Variants in ENAH observed in about 807,000 individuals in gnomAD.
ENAH encodes ENAH actin regulator.
In ENAH, 23 loss-of-function variants were observed where a neutral mutation model predicts 78.7. The ratio of observed to expected loss-of-function variants is 0.29; its 90% CI spans 0.21 to 0.41. The LOEUF (loss-of-function observed/expected upper bound fraction) is 0.41, where lower values mean the gene tolerates loss of function less well. Ranked by LOEUF, ENAH falls within the 10% of genes least tolerant of loss-of-function variation. The pLI, the probability that ENAH is intolerant of heterozygous loss-of-function variation, is 1.00. For synonymous variants in ENAH, 226 were observed against 241.0 expected, an observed-to-expected ratio of 0.94 and a Z score of 0.58; for missense variants, 544 against 691.0, an observed-to-expected ratio of 0.79 and a Z score of 2.39.
intron 2 of ENAH, among the ~76,000 whole-genome samples, chr1:225,560,199 C>G (rs1239910768): frequency 2.0e-5 from 3 of 151,490 alleles, no homozygotes; most frequent in Non-Finnish European, 4.4e-5. Flanking sequence ...GAGACAAGGG[C>G]TTCCTGTGCC....
intron 1 of ENAH, among the ~76,000 whole-genome samples, chr1:225,584,183 A>G (rs541794575): frequency 1.3e-5 from 2 of 152,220 alleles, no homozygotes; most frequent in Admixed American, 6.5e-5. Flanking sequence ...CAGGATAAAT[A>G]TAAATTGGAC....
At chr1:225,640,203 A>T (rs1430465803) in intron 1 of ENAH, among the ~76,000 whole-genome samples, 1 of 152,256 alleles carries the variant, frequency 6.6e-6, no homozygotes, top group Non-Finnish European at 1.5e-5. Context: ...ATTTTCTCAG[A>T]AAAATTATGT....
intron 1 of ENAH, among the ~76,000 whole-genome samples, chr1:225,625,238 G>A (rs949022437): frequency 6.6e-6 from 1 of 152,170 alleles, no homozygotes. Flanking sequence ...AATATGAAAT[G>A]CAGATAAAGT....
chr1:225,653,224 G>C (rs2148546476), upstream of ENAH: 1 of 150,952 alleles, frequency 6.6e-6, no homozygotes, highest in African/African-American at 2.4e-5. This position sits in a 1 kb window ranked among gnomAD's most constrained non-coding sequence, Gnocchi z 4.3. Flanking sequence ...AGGGGGCGGT[G>C]CGGGGGGAGG....
At chr1:225,615,061 CCTCTCT>C (rs928534773) in intron 1 of ENAH, among the ~76,000 whole-genome samples, 5 of 138,316 alleles carry the variant, frequency 3.6e-5, no homozygotes, top group African/African-American at 1.1e-4. Context: ...TCTCCCTCTC[CCTCTCT>C]CTCCACGGTC....
chr1:225,615,402 C>T (rs1266979883), intron 1 of ENAH, among the ~76,000 whole-genome samples: 11 of 152,176 alleles, frequency 7.2e-5, no homozygotes, highest in Non-Finnish European at 1.5e-4. Context: ...ACAACCTCCA[C>T]CTCCCAGCCG....
At chr1:225,639,157 C>CA (rs2148427895) in intron 1 of ENAH, among the ~76,000 whole-genome samples, 1 of 152,114 alleles carries the variant, frequency 6.6e-6, no homozygotes, top group East Asian at 1.9e-4. Context: ...AAACTCTTTA[C>CA]AAAGCAACTG....
chr1:225,517,341 T>C (rs568787101), intron 5 of ENAH, 35 bp from the exon 6 acceptor site: 1 of 1,551,396 alleles, frequency 6.4e-7, no homozygotes, highest in African/African-American at 1.4e-5. Context: ...TAGGCTTGGA[T>C]GAGGGAGTTG....
intron 1 of ENAH, among the ~76,000 whole-genome samples, chr1:225,606,816 C>T (rs1480745479): frequency 1.5e-5 from 2 of 133,590 alleles, no homozygotes; most frequent in African/African-American, 5.7e-5. Flanking sequence ...ACACTCCATC[C>T]TGGACGACAG....
chr1:225,558,184 C>T (rs991183434), intron 2 of ENAH, among the ~76,000 whole-genome samples: 1 of 152,064 alleles, frequency 6.6e-6, no homozygotes, highest in Non-Finnish European at 1.5e-5. Flanking sequence ...CTATTGTATT[C>T]ATACCAGGTT....
At chr1:225,564,499 TAGTC>T (rs967545592) in intron 2 of ENAH, among the ~76,000 whole-genome samples, 34 of 151,544 alleles carry the variant, frequency 2.2e-4, no homozygotes, top group East Asian at 7.8e-4. Flanking sequence ...TTCACCATGT[TAGTC>T]AGGCTGGTTG....
chr1:225,511,243 T>C (rs1575343071), intron 10 of ENAH, among the ~76,000 whole-genome samples: 1 of 152,204 alleles, frequency 6.6e-6, no homozygotes, highest in South Asian at 2.1e-4. Context: ...AGAAATAACA[T>C]GTGAATATGT....
Position 225,495,911 on chromosome 1 carries a change from GA to G in ENAH, c.*1863del, listed in dbSNP as rs1575278532. On this transcript the variant is annotated 3_prime_UTR_variant, in exon 14 of 14. Transcript: ENST00000366843. ...AAAAATGAAATTTCTACAGAAACAG[GA>G]ACTATTTTGACAAAGAAAAAAAAAA... 1 of 152,244 alleles carries G rather than the reference GA, an allele frequency of 6.6e-6. No homozygotes were observed. Among genetic ancestry groups the G allele is most frequent in the African/African-American group, 2.4e-5 (1 of 41,336 alleles). 9.4% of individuals were successfully genotyped at this position (152,244 alleles called of 1,614,324 possible).
intron 2 of ENAH, among the ~76,000 whole-genome samples, chr1:225,563,493 T>C (rs1025217245): frequency 1.3e-5 from 2 of 152,234 alleles, no homozygotes; most frequent in African/African-American, 4.8e-5. Context: ...CTGTTATGTA[T>C]TGATTCAAAT....
Position 225,514,750 on chromosome 1 carries a change from G to A in ENAH, c.1064C>T (p.Pro355Leu). The change falls in exon 7 of 14, where the codon CCT becomes CTT. Residue 355 changes from proline (P) to leucine (L), a missense_variant. Physicochemically the swap from Pro to Leu is moderately conservative, Grantham distance 98 (BLOSUM62 -3). Transcript: ENST00000366843. Reference protein sequence around the residue: ...TGPPPPPPPPPLPNQVPPPPP... With the variant: ...TGPPPPPPPPLLPNQVPPPPP... ...AGGAGGGGGTACTTGATTAGGGAGAGGAGGGGGAGGAGGGGGCGGTGGAGG... is the reference window on the plus strand; with the variant it reads ...AGGAGGGGGTACTTGATTAGGGAGAAGAGGGGGAGGAGGGGGCGGTGGAGG... 1 of 1,400,986 alleles carries A rather than the reference G, an allele frequency of 7.1e-7. No individual in the cohort carries two copies. The highest frequency in any genetic ancestry group is 9.6e-7 in the Non-Finnish European group (1 of 1,043,280). 86.8% of individuals were successfully genotyped at this position (1,400,986 alleles called of 1,614,324 possible). A position where few individuals can be genotyped will look rare whatever the true frequency, so the allele number is the denominator to read the frequency against.
intron 13 of ENAH, among the ~76,000 whole-genome samples, chr1:225,498,145 T>C (rs1488195260): frequency 6.6e-6 from 1 of 152,222 alleles, no homozygotes; most frequent in East Asian, 1.9e-4. Context: ...CTTAGGGATA[T>C]TGTTTAATCC....
At chr1:225,630,102 A>G (rs954115353) in intron 1 of ENAH, among the ~76,000 whole-genome samples, 1 of 152,190 alleles carries the variant, frequency 6.6e-6, no homozygotes, top group East Asian at 1.9e-4. Context: ...AAAATAACAT[A>G]AACTGCATCC....
intron 4 of ENAH, among the ~76,000 whole-genome samples, chr1:225,520,431 C>T (rs1022365325): frequency 5.9e-5 from 9 of 152,168 alleles, no homozygotes; most frequent in African/African-American, 9.7e-5. Flanking sequence ...TATACACATA[C>T]GCGCACACAC....
intron 4 of ENAH, among the ~76,000 whole-genome samples, chr1:225,524,127 C>T (rs1051065376): frequency 3.3e-5 from 5 of 152,178 alleles, no homozygotes; most frequent in South Asian, 2.1e-4. Flanking sequence ...CACAGTTCCT[C>T]CACCACCCAA....
Sources: gnomAD v4.1 joint callset for allele counts (sites outside exome capture counted in the v4.1 genomes callset) on GRCh38, gnomAD v4.1.1 for gene constraint, Gnocchi (gnomAD v3.1) non-coding constraint, MANE v1.5 for transcripts, NCBI Gene and HGNC (gene_info 2026-07-23, HGNC 2026-07-21) for gene names.